Variants in SYT16 observed in about 807,000 individuals in gnomAD.
SYT16 encodes the protein synaptotagmin 16.
In SYT16, 42 loss-of-function variants were observed where a neutral mutation model predicts 61.4. That is an observed-to-expected ratio of 0.68 (90% CI 0.53 to 0.89). SYT16 has a LOEUF of 0.89. Among genes scored for constraint, SYT16 ranks in the 40% least tolerant of loss-of-function variants. The pLI is 0.00. For synonymous variants in SYT16, 314 were observed against 302.3 expected (o/e 1.04, Z -0.40); for missense variants, 804 against 807.3 (o/e 1.00, Z 0.05).
In SYT16 at chr14:61,892,904, GT is replaced by G. The variant is rs373994278; in HGVS notation, c.-324-77217del. Among the ~76,000 whole-genome samples the G allele has an allele frequency of 2.0e-3, 300 of 148,514 alleles. 1 individual carries two copies. The highest frequency in any genetic ancestry group is 0.011 in the Middle Eastern group (3 of 284). On this transcript the variant is annotated intron_variant, in intron 1 of 7. Coordinates refer to ENST00000683842, the MANE Select transcript of SYT16 (RefSeq NM_001367656.1). The stretch of plus-strand genomic sequence containing the variant: ...ATCTCAGTAAAATACAGAATAAACG[GT>G]TTTTTTTTTTCCTTCCCTTTGCCAC...
At chr14:61,836,348 A>G (rs1279027737) in intron 1 of SYT16, among the ~76,000 whole-genome samples, 4 of 152,200 alleles carry the variant, frequency 2.6e-5, no homozygotes. Flanking sequence ...GCAAAGGAAA[A>G]GGAATCCATT....
At chr14:61,997,598 G>A (rs1157930714) in intron 3 of SYT16, among the ~76,000 whole-genome samples, 1 of 152,032 alleles carries the variant, frequency 6.6e-6, no homozygotes, top group East Asian at 1.9e-4. Context: ...ACATTGAAAT[G>A]CTAGAATAAA....
intron 2 of SYT16, among the ~76,000 whole-genome samples, chr14:61,987,443 A>G (rs1045978246): frequency 6.6e-6 from 1 of 152,164 alleles, no homozygotes; most frequent in Non-Finnish European, 1.5e-5. Flanking sequence ...ATGAGGTAGG[A>G]GTGAATGCAG....
intron 1 of SYT16, among the ~76,000 whole-genome samples, chr14:61,830,627 T>C (rs1233643346): frequency 6.6e-6 from 1 of 152,192 alleles, no homozygotes; most frequent in African/African-American, 2.4e-5. Context: ...TCCAGTCCTC[T>C]TTTCTCCATA....
intron 1 of SYT16, among the ~76,000 whole-genome samples, chr14:61,903,613 G>A (rs2048598545): frequency 6.6e-6 from 1 of 152,106 alleles, no homozygotes; most frequent in Non-Finnish European, 1.5e-5. Flanking sequence ...GAACATGACT[G>A]GGCTTAATAA....
chr14:62,073,228 G>A (rs542524426), intron 4 of SYT16, among the ~76,000 whole-genome samples: 1 of 152,212 alleles, frequency 6.6e-6, no homozygotes, highest in South Asian at 2.1e-4. Flanking sequence ...TCTTATTACT[G>A]ATCTTGGTAT....
chr14:61,971,342 T>A (rs1411405354), intron 2 of SYT16, among the ~76,000 whole-genome samples: 1 of 152,032 alleles, frequency 6.6e-6, no homozygotes, highest in Non-Finnish European at 1.5e-5. Flanking sequence ...GGGTCTGTTG[T>A]AAGGCTGCAG....
intron 2 of SYT16, among the ~76,000 whole-genome samples, chr14:61,976,501 A>C (rs1166665729): frequency 6.6e-6 from 1 of 152,180 alleles, no homozygotes; most frequent in Non-Finnish European, 1.5e-5. Flanking sequence ...ACATCCTCTG[A>C]AATCTAGGCA....
chr14:62,028,618 A>G (rs561465477), intron 3 of SYT16, among the ~76,000 whole-genome samples: 3 of 152,188 alleles, frequency 2.0e-5, no homozygotes, highest in Admixed American at 1.3e-4. Flanking sequence ...ATAAGTGTCA[A>G]AGTAGGATTA....
chr14:61,871,962 T>G (rs1170891846), intron 1 of SYT16, among the ~76,000 whole-genome samples: 1 of 152,186 alleles, frequency 6.6e-6, no homozygotes, highest in African/African-American at 2.4e-5. Flanking sequence ...AATATTATCT[T>G]CTTTAAGACT....
rs75042455 is a variant in SYT16 at position 62,090,473 on chromosome 14, A to G, written c.1624+6088A>G. Among the ~76,000 whole-genome samples the G allele has an allele frequency of 1.7e-4, 26 of 152,322 alleles. No individual in the cohort carries two copies. In the East Asian group the frequency reaches 4.4e-3, roughly 26 times the overall value. On this transcript the variant is annotated intron_variant, in intron 7 of 7. Coordinates refer to ENST00000683842, the MANE Select transcript of SYT16 (RefSeq NM_001367656.1). Reference sequence around the variant, plus strand: ...AATGTGCTCTACAGAGTGCAGGGAAAAAAAGACTCAGTGAAAATGAACATA... The same window carrying G: ...AATGTGCTCTACAGAGTGCAGGGAAGAAAAGACTCAGTGAAAATGAACATA...
At chr14:61,851,191 G>A (rs1175083609) in intron 1 of SYT16, among the ~76,000 whole-genome samples, 2 of 152,248 alleles carry the variant, frequency 1.3e-5, no homozygotes, top group Non-Finnish European at 1.5e-5. Context: ...TTAGTTTGCT[G>A]AGGATAGTGG....
At chr14:61,933,514 C>T (rs1368332945) in intron 1 of SYT16, among the ~76,000 whole-genome samples, 1 of 152,172 alleles carries the variant, frequency 6.6e-6, no homozygotes, top group Non-Finnish European at 1.5e-5. Context: ...CTAATCAATC[C>T]ATGGACTCTG....
At chr14:62,018,394 G>A (rs143194519) in intron 3 of SYT16, among the ~76,000 whole-genome samples, 2,164 of 132,606 alleles carry the variant, frequency 0.016, 37 homozygotes, top group African/African-American at 0.044. Flanking sequence ...TGCAACCTCC[G>A]CCTCCCAGGA....
intron 1 of SYT16, among the ~76,000 whole-genome samples, chr14:61,875,158 C>G (rs957897846): frequency 1.3e-5 from 2 of 152,174 alleles, no homozygotes; most frequent in African/African-American, 4.8e-5. Context: ...AAGCATTGCT[C>G]AAAATTGATA....
intron 1 of SYT16, among the ~76,000 whole-genome samples, chr14:61,945,821 A>G (rs1317079301): frequency 1.6e-5 from 2 of 128,808 alleles, no homozygotes; most frequent in African/African-American, 2.8e-5. Context: ...ACGCCACTGC[A>G]CTCCAGCCTG....
chr14:62,039,857 ACACACACACACACACACACACG>A (rs1417551395), intron 3 of SYT16, among the ~76,000 whole-genome samples: 6 of 136,500 alleles, frequency 4.4e-5, no homozygotes, highest in East Asian at 4.2e-4. Context: ...ACACACACAC[ACACACACACACACACACACACG>A]CACATACACA....
rs1447419452 is a variant in SYT16, at chr14:62,108,478, T to C, written c.*7771T>C. On this transcript the variant is annotated 3_prime_UTR_variant, in exon 8 of 8. Transcript: ENST00000683842. Reference sequence around the variant, plus strand: ...TTTCATGTAAGTTATTTTAAGATAGTTGCATTCTAGGACCATGTTTCTTTT... The same window carrying C: ...TTTCATGTAAGTTATTTTAAGATAGCTGCATTCTAGGACCATGTTTCTTTT... 6.6e-6 allele frequency: 1 copy of C among 152,216 alleles called. No individual in the cohort carries two copies. The highest frequency in any genetic ancestry group is 1.5e-5 in the Non-Finnish European group (1 of 68,034). The allele number at this position is 152,216 out of a possible 1,614,324, so 9.4% of individuals were successfully genotyped here. A position where few individuals can be genotyped will look rare whatever the true frequency, so the allele number is the denominator to read the frequency against.
intron 1 of SYT16, among the ~76,000 whole-genome samples, chr14:61,906,771 A>G (rs1363009479): frequency 3.1e-5 from 4 of 127,484 alleles, no homozygotes; most frequent in South Asian, 2.9e-4. Flanking sequence ...CCGTCAATCC[A>G]TCCATCCGTC....
Sources: gnomAD v4.1 joint callset for allele counts (sites outside exome capture counted in the v4.1 genomes callset) on GRCh38, gnomAD v4.1.1 for gene constraint, MANE v1.5 for transcripts, NCBI Gene and HGNC (gene_info 2026-07-23, HGNC 2026-07-21) for gene names.